The following EPHB1 variants were observed in gnomAD, a reference collection of about 807,000 sequenced individuals.
EPHB1 encodes the protein EPH receptor B1.
EPHB1 carries 30 observed loss-of-function variants against 94.4 expected under a neutral mutation model. That is an observed-to-expected ratio of 0.32 (90% CI 0.24 to 0.43). The LOEUF (loss-of-function observed/expected upper bound fraction) is 0.43, where lower values mean the gene tolerates loss of function less well. Among genes scored for constraint, EPHB1 ranks in the 20% least tolerant of loss-of-function variants. EPHB1 has a pLI of 1.00. For synonymous variants in EPHB1, 522 were observed against 489.1 expected (o/e 1.07, Z -0.89); for missense variants, 1,055 against 1,308.3 (o/e 0.81, Z 2.99).
chr3:134,925,398 A>T (rs533114084), intron 1 of EPHB1, among the ~76,000 whole-genome samples: 2 of 152,230 alleles, frequency 1.3e-5, no homozygotes, highest in South Asian at 2.1e-4. Flanking sequence ...AGGCAAAAAG[A>T]GGTGGCCTAG....
intron 1 of EPHB1, among the ~76,000 whole-genome samples, chr3:134,830,370 A>C (rs2036559616): frequency 6.6e-6 from 1 of 152,068 alleles, no homozygotes; most frequent in Non-Finnish European, 1.5e-5. Flanking sequence ...TATTTCACTA[A>C]TTTTCCTATT....
intron 11 of EPHB1, among the ~76,000 whole-genome samples, chr3:135,199,914 G>A (rs749956040): frequency 3.9e-5 from 6 of 152,114 alleles, no homozygotes; most frequent in Non-Finnish European, 8.8e-5. Flanking sequence ...GTAACATCTC[G>A]CATACAGTAG....
chr3:135,147,852 A>G (rs1188373585), intron 5 of EPHB1, among the ~76,000 whole-genome samples: 1 of 152,198 alleles, frequency 6.6e-6, no homozygotes, highest in Admixed American at 6.5e-5. Flanking sequence ...TCCTCAAACA[A>G]GGCTGTCCCC....
intron 15 of EPHB1, among the ~76,000 whole-genome samples, chr3:135,253,771 G>C (rs969573630): frequency 2.6e-5 from 4 of 151,592 alleles, no homozygotes; most frequent in Admixed American, 1.3e-4. Flanking sequence ...TAGCTTGATG[G>C]GGATGGCATT....
chr3:134,992,428 CA>C (rs1175425879), intron 3 of EPHB1, among the ~76,000 whole-genome samples: 6 of 152,174 alleles, frequency 3.9e-5, no homozygotes, highest in Non-Finnish European at 7.3e-5. Flanking sequence ...AGCCTCCGGT[CA>C]GTATGGCAAA....
intron 3 of EPHB1, among the ~76,000 whole-genome samples, chr3:135,031,962 C>A (rs931833562): frequency 6.6e-6 from 1 of 151,996 alleles, no homozygotes; most frequent in African/African-American, 2.4e-5. Flanking sequence ...AAGCCAGTGA[C>A]ATTTCAATTT....
intron 1 of EPHB1, among the ~76,000 whole-genome samples, chr3:134,904,376 G>A (rs534068074): frequency 2.0e-5 from 3 of 152,260 alleles, no homozygotes; most frequent in East Asian, 3.9e-4. Context: ...GGACATAGTC[G>A]CTTTCATCTC....
chr3:135,140,781 G>T (rs1940795391), intron 5 of EPHB1, among the ~76,000 whole-genome samples: 1 of 152,168 alleles, frequency 6.6e-6, no homozygotes, highest in African/African-American at 2.4e-5. Context: ...CAGCACTGTT[G>T]TCTGTCCCCC....
intron 3 of EPHB1, among the ~76,000 whole-genome samples, chr3:134,967,463 A>T (rs890761167): frequency 3.9e-5 from 6 of 152,254 alleles, no homozygotes; most frequent in South Asian, 2.1e-4. Context: ...GAATGAATTA[A>T]TCCATTCATG....
intron 15 of EPHB1, among the ~76,000 whole-genome samples, chr3:135,249,903 G>A (rs1166626789): frequency 1.3e-5 from 2 of 152,216 alleles, no homozygotes; most frequent in African/African-American, 4.8e-5. Flanking sequence ...CTTATACTTA[G>A]ATAGCAGTTG....
chr3:135,235,471 A>C (rs1388473512), intron 12 of EPHB1, among the ~76,000 whole-genome samples: 4 of 152,056 alleles, frequency 2.6e-5, no homozygotes, highest in Non-Finnish European at 4.4e-5. Flanking sequence ...AAATTTGAGA[A>C]CCACTTCTCC....
chr3:134,802,926 C>T (rs778538091), intron 1 of EPHB1, among the ~76,000 whole-genome samples: 20 of 152,148 alleles, frequency 1.3e-4, no homozygotes, highest in Non-Finnish European at 2.5e-4. Flanking sequence ...AATGACCCTG[C>T]TGGTGATTGA....
chr3:134,843,165 T>A (rs910892438), intron 1 of EPHB1, among the ~76,000 whole-genome samples: 18 of 152,246 alleles, frequency 1.2e-4, no homozygotes, highest in Non-Finnish European at 2.4e-4. Context: ...TCACTGTGTA[T>A]AGAATTCTTG....
At chr3:135,004,122 C>G (rs1935296695) in intron 3 of EPHB1, among the ~76,000 whole-genome samples, 1 of 151,864 alleles carries the variant, frequency 6.6e-6, no homozygotes, top group Non-Finnish European at 1.5e-5. Flanking sequence ...ATGTTTAGCG[C>G]TTCCTTCAGA....
chr3:135,161,159 C>A (rs536369384), intron 6 of EPHB1, among the ~76,000 whole-genome samples: 14 of 152,062 alleles, frequency 9.2e-5, no homozygotes, highest in Non-Finnish European at 1.5e-5. Flanking sequence ...AGGGCACTCA[C>A]GATGAGAAAA....
At position 135,097,168 on chromosome 3, in the gene EPHB1, G is replaced by GTTTT. The variant is rs145129220; in HGVS notation, c.806-9264_806-9261dup. Among the ~76,000 whole-genome samples, 14 of 104,556 alleles carry GTTTT rather than the reference G, an allele frequency of 1.3e-4. 1 individual carries two copies. Among genetic ancestry groups the GTTTT allele is most frequent in the South Asian group, 7.6e-4 (2 of 2,644 alleles). 68.6% of individuals were successfully genotyped at this position (104,556 alleles called of 152,430 possible). On this transcript the variant is annotated intron_variant, in intron 3 of 15. Transcript: ENST00000398015. ...TTCAACGTATGATTTTTTTTTCTTT[G>GTTTT]TTTTTTTTTTTTTTTTTTTGAGGGG... is the stretch of plus-strand genomic sequence containing the variant.
intron 1 of EPHB1, among the ~76,000 whole-genome samples, chr3:134,905,174 T>C (rs2038291802): frequency 6.6e-6 from 1 of 152,198 alleles, no homozygotes; most frequent in Non-Finnish European, 1.5e-5. Context: ...TTTAGAATAC[T>C]CTTGTAAGTT....
chr3:135,203,420 A>C (rs1159986535), intron 12 of EPHB1, among the ~76,000 whole-genome samples: 1 of 152,244 alleles, frequency 6.6e-6, no homozygotes, highest in Non-Finnish European at 1.5e-5. Flanking sequence ...AAATTTAAAA[A>C]AAAGAATAAA....
At chr3:134,858,193 ATCATC>A (rs963587413) in intron 1 of EPHB1, among the ~76,000 whole-genome samples, 2 of 145,474 alleles carry the variant, frequency 1.4e-5, no homozygotes, top group East Asian at 3.9e-4. Context: ...CATCATCATC[ATCATC>A]TCTGTTATCT....
Sources: gnomAD v4.1 joint callset for allele counts (sites outside exome capture counted in the v4.1 genomes callset) on GRCh38, gnomAD v4.1.1 for gene constraint, MANE v1.5 for transcripts, NCBI Gene and HGNC (gene_info 2026-07-23, HGNC 2026-07-21) for gene names.